The following RAPGEF6 variants were observed in gnomAD, a reference collection of about 807,000 sequenced individuals.
RAPGEF6 encodes Rap guanine nucleotide exchange factor 6, also known as PDZ domain containing guanine nucleotide exchange factor (GEF) 2.
In RAPGEF6, 56 loss-of-function variants were observed where a neutral mutation model predicts 171.4. The ratio of observed to expected loss-of-function variants is 0.33; its 90% CI spans 0.26 to 0.41. RAPGEF6 has a LOEUF of 0.41. Among genes scored for constraint, RAPGEF6 ranks in the 10% least tolerant of loss-of-function variants. RAPGEF6 has a pLI of 1.00. For missense variants in RAPGEF6, 1,674 were observed against 1,921.4 expected, an observed-to-expected ratio of 0.87 and a Z score of 2.41; for synonymous variants, 692 against 650.1, an observed-to-expected ratio of 1.06 and a Z score of -0.98.
intron 3 of RAPGEF6, among the ~76,000 whole-genome samples, chr5:131,596,449 T>A (rs1477769287): frequency 2.0e-5 from 3 of 151,420 alleles, no homozygotes; most frequent in African/African-American, 7.3e-5. Context: ...AAAGCAAATA[T>A]CATTAGATAT....
rs746434684 is a variant in RAPGEF6 at position 131,522,665 on chromosome 5, T to TACAC, written c.496-1148_496-1145dup. Among the ~76,000 whole-genome samples, 47 of 151,678 alleles carry TACAC rather than the reference T, an allele frequency of 3.1e-4. 1 individual carries two copies. The highest frequency in any genetic ancestry group is 4.9e-4 in the Non-Finnish European group (33 of 67,866). On this transcript the variant is annotated intron_variant, in intron 6 of 27. Coordinates refer to ENST00000509018, the MANE Select transcript of RAPGEF6 (RefSeq NM_016340.6). ...AGAAAACCTGAAGTACATACATACA[T>TACAC]ACACACACACACAGTATCTGGCCTC...
chr5:131,547,238 C>A (rs956284437), intron 6 of RAPGEF6, among the ~76,000 whole-genome samples: 2 of 152,148 alleles, frequency 1.3e-5, no homozygotes, highest in Admixed American at 6.5e-5. Context: ...TTTATGACAA[C>A]TGAAAAAACT....
At chr5:131,442,949 G>T (rs1465556059) in intron 22 of RAPGEF6, among the ~76,000 whole-genome samples, 4 of 141,332 alleles carry the variant, frequency 2.8e-5, no homozygotes, top group Non-Finnish European at 6.1e-5. Flanking sequence ...CACAAAACCT[G>T]GCTTTTTTTT....
At chr5:131,571,736 C>G (rs1336869377) in intron 4 of RAPGEF6, among the ~76,000 whole-genome samples, 1 of 152,160 alleles carries the variant, frequency 6.6e-6, no homozygotes, top group East Asian at 1.9e-4. Context: ...TCATACGGAA[C>G]TGCAAAGAAC....
intron 6 of RAPGEF6, among the ~76,000 whole-genome samples, chr5:131,542,054 C>T (rs1580997043): frequency 6.6e-6 from 1 of 152,192 alleles, no homozygotes; most frequent in Admixed American, 6.5e-5. Flanking sequence ...AAAGAAATTA[C>T]TTGTTCAAAG....
In RAPGEF6 at chr5:131,562,004, C is replaced by T; in HGVS notation, c.325G>A (p.Val109Ile). Residue 109 changes from valine to isoleucine, a missense_variant, in exon 5 of 28, where the codon GTA becomes ATA. By Grantham distance (29) the Val-to-Ile change is conservative. Transcript: ENST00000509018. ...ACAATCATTTCTGAAGGCTCTAATA[C>T]AAGACAATCACATCCTCTTTTTCCT... ...FGGKRGCDCL[V>I]LEPSEMIVVE... 1 of 1,592,402 alleles carries T rather than the reference C, an allele frequency of 6.3e-7. No individual in the cohort carries two copies. The highest frequency in any genetic ancestry group is 8.5e-7 in the Non-Finnish European group (1 of 1,171,258).
chr5:131,606,938 A>G (rs899623829), intron 1 of RAPGEF6, among the ~76,000 whole-genome samples: 2 of 152,194 alleles, frequency 1.3e-5, no homozygotes, highest in Non-Finnish European at 2.9e-5. Context: ...TACGGGGTAA[A>G]AGCACCAACC....
At position 131,516,320 on chromosome 5, in the gene RAPGEF6, G is replaced by C. The variant is rs573399391; in HGVS notation, c.627+5070C>G. 3.3e-5 allele frequency among the ~76,000 whole-genome samples: 5 copies of C among 152,078 alleles called. No individual in the cohort carries two copies. The South Asian group carries it at 8.3e-4, about 25-fold the overall frequency. ...GCTGGTCTCAAACTCCTGACCTCAA[G>C]TGATCCACCGAACCCAGCCTCAGAT... On this transcript the variant is annotated intron_variant, in intron 7 of 27. Transcript: ENST00000509018.
intron 14 of RAPGEF6, 52 bp downstream of exon 14, chr5:131,492,530 G>A (rs561580387): frequency 2.0e-6 from 3 of 1,537,984 alleles, no homozygotes; most frequent in Non-Finnish European, 1.8e-6. Flanking sequence ...AAAAGCAGCA[G>A]GCATAATACT....
intron 7 of RAPGEF6, among the ~76,000 whole-genome samples, chr5:131,513,858 AATTAGCCGGGTGTGGTGGC>A (rs537984069): frequency 8.9e-4 from 135 of 152,154 alleles, no homozygotes; most frequent in African/African-American, 3.1e-3. Context: ...AAAATACAAA[AATTAGCCGGGTGTGGTGGC>A]ATTAGCCGGG....
chr5:131,512,416 AGTTGTGCAGTG>A, intron 7 of RAPGEF6, among the ~76,000 whole-genome samples: 1 of 150,222 alleles, frequency 6.7e-6, no homozygotes. Context: ...CTGTCACCCA[AGTTGTGCAGTG>A]GTATGATCAC....
Position 131,502,884 on chromosome 5 carries a change from C to T in RAPGEF6, c.1254+1742G>A, listed in dbSNP as rs1357523051. ...TGTGATCTCGGCTCACTGCAACCTCCGCCTCCTGGGTCCAGGCAATTCTCC... is the reference window on the plus strand; with the variant it reads ...TGTGATCTCGGCTCACTGCAACCTCTGCCTCCTGGGTCCAGGCAATTCTCC... On this transcript the variant is annotated intron_variant, in intron 11 of 27. Transcript: ENST00000509018. Among the ~76,000 whole-genome samples the T allele has an allele frequency of 3.3e-5, 5 of 151,658 alleles. No homozygotes were observed. In the East Asian group the frequency reaches 5.9e-4, roughly 18 times the overall value.
chr5:131,612,201 A>ATTTTTTTTTTTTTTT (rs35306366), intron 1 of RAPGEF6, among the ~76,000 whole-genome samples: 1 of 83,328 alleles, frequency 1.2e-5, no homozygotes, highest in African/African-American at 4.3e-5. Context: ...TGCTCAGCTA[A>ATTTTTTTTTTTTTTT]TTTTTTTTTT....
At chr5:131,574,253 G>A (rs1025813784) in intron 4 of RAPGEF6, among the ~76,000 whole-genome samples, 11 of 152,092 alleles carry the variant, frequency 7.2e-5, no homozygotes, top group South Asian at 2.1e-4. Flanking sequence ...AATTCACATC[G>A]CCGCTGCTCC....
intron 6 of RAPGEF6, among the ~76,000 whole-genome samples, chr5:131,546,527 C>T (rs982809766): frequency 6.6e-5 from 10 of 151,996 alleles, no homozygotes; most frequent in Admixed American, 2.6e-4. Context: ...GCGCGTGAAC[C>T]CAGGAGGCAG....
chr5:131,455,500 C>T (rs969328831), intron 20 of RAPGEF6, among the ~76,000 whole-genome samples: 2 of 152,202 alleles, frequency 1.3e-5, no homozygotes, highest in Non-Finnish European at 2.9e-5. Flanking sequence ...CCTCATGATC[C>T]ACCTGCCTAG....
At chr5:131,476,010 G>T (rs1325662589) in intron 16 of RAPGEF6, among the ~76,000 whole-genome samples, 1 of 152,058 alleles carries the variant, frequency 6.6e-6, no homozygotes, top group African/African-American at 2.4e-5. Context: ...AATAACAAAT[G>T]TTCAAGAAGA....
In RAPGEF6 at chr5:131,610,886, T is replaced by G. The variant is rs184312384; in HGVS notation, c.70-6193A>C. 1.2e-4 allele frequency among the ~76,000 whole-genome samples: 19 copies of G among 152,274 alleles called. No individual in the cohort carries two copies. In the East Asian group the frequency reaches 2.7e-3, roughly 22 times the overall value. The stretch of plus-strand genomic sequence containing the variant: ...TCAGGTGGCCTTGAAAATATGCCTC[T>G]CAGATTCCAAACTACAGGGAGTGTA... On this transcript the variant is annotated intron_variant, in intron 1 of 27. Transcript: ENST00000509018.
intron 12 of RAPGEF6, among the ~76,000 whole-genome samples, chr5:131,496,893 C>A (rs951762632): frequency 6.6e-6 from 1 of 151,844 alleles, no homozygotes; most frequent in African/African-American, 2.4e-5. Context: ...TATATGGTAA[C>A]CCTATGTTTA....
Sources: gnomAD v4.1 joint callset for allele counts (sites outside exome capture counted in the v4.1 genomes callset) on GRCh38, gnomAD v4.1.1 for gene constraint, MANE v1.5 for transcripts, NCBI Gene and HGNC (gene_info 2026-07-23, HGNC 2026-07-21) for gene names.